Variants in IFT80 observed in about 807,000 individuals in gnomAD.
IFT80 encodes intraflagellar transport protein 80 homolog.
A neutral mutation model predicts 107.9 loss-of-function variants in IFT80; 79 were observed. The ratio of observed to expected loss-of-function variants is 0.73; its 90% CI spans 0.61 to 0.88. IFT80 has a LOEUF of 0.88. IFT80 is among the 40% of genes least tolerant of loss of function. IFT80 has a pLI of 0.00. For missense variants in IFT80, 797 were observed against 914.2 expected, an observed-to-expected ratio of 0.87 and a Z score of 1.65; for synonymous variants, 299 against 300.9, an observed-to-expected ratio of 0.99 and a Z score of 0.07.
At chr3:160,347,281 T>C (rs1203220727) in intron 8 of IFT80, among the ~76,000 whole-genome samples, 2 of 150,568 alleles carry the variant, frequency 1.3e-5, no homozygotes, top group African/African-American at 4.9e-5. Context: ...TTTAGCAGTA[T>C]TTTTTTTTAA....
intron 18 of IFT80, among the ~76,000 whole-genome samples, chr3:160,275,602 C>T (rs1714202084): frequency 6.6e-6 from 1 of 151,960 alleles, no homozygotes; most frequent in South Asian, 2.1e-4. Flanking sequence ...AATGGAATTC[C>T]TAATTAGGTT....
chr3:160,378,699 T>C (rs1421137585), intron 3 of IFT80, among the ~76,000 whole-genome samples: 1 of 151,216 alleles, frequency 6.6e-6, no homozygotes, highest in Non-Finnish European at 1.5e-5. Flanking sequence ...TGGCCAAATC[T>C]AGGGCACTTT....
At chr3:160,262,780 A>C (rs1712962031) in intron 19 of IFT80, among the ~76,000 whole-genome samples, 1 of 152,184 alleles carries the variant, frequency 6.6e-6, no homozygotes, top group South Asian at 2.1e-4. Flanking sequence ...TCAAAAATAT[A>C]AGTGTCAAAG....
intron 4 of IFT80, 116 bp downstream of exon 4, chr3:160,377,314 C>T (rs762470050): frequency 6.0e-5 from 41 of 682,682 alleles, no homozygotes; most frequent in Non-Finnish European, 1.0e-4. Context: ...CAATACTATG[C>T]CAATTATTTG....
At chr3:160,331,664 T>C in intron 8 of IFT80, among the ~76,000 whole-genome samples, 1 of 112,398 alleles carries the variant, frequency 8.9e-6, no homozygotes, top group Non-Finnish European at 2.0e-5. Context: ...TTTTTACCCT[T>C]GTAATTTTTT....
chr3:160,263,664 G>A (rs952243361), intron 19 of IFT80, among the ~76,000 whole-genome samples: 2 of 151,962 alleles, frequency 1.3e-5, no homozygotes, highest in South Asian at 2.1e-4. Flanking sequence ...ATTTTATTAT[G>A]TATTTCTTTA....
At chr3:160,293,742 T>C (rs776458001) in intron 12 of IFT80, among the ~76,000 whole-genome samples, 2 of 152,166 alleles carry the variant, frequency 1.3e-5, no homozygotes, top group Non-Finnish European at 2.9e-5. Flanking sequence ...GAAAGACCAA[T>C]CTCATGTTCA....
intron 8 of IFT80, among the ~76,000 whole-genome samples, chr3:160,344,424 A>C (rs951307478): frequency 3.9e-5 from 6 of 152,120 alleles, no homozygotes; most frequent in Admixed American, 3.3e-4. Context: ...CCTATCTCTC[A>C]CCATATACAA....
chr3:160,258,364 T>C lies in IFT80; in HGVS notation c.*161A>G. ...AAAGATAGAAATACATCAATTACTT[T>C]GTGTTTCATCTTTCTGCATGTACTT... On this transcript the variant is annotated 3_prime_UTR_variant, in exon 20 of 20. Coordinates refer to ENST00000326448, the MANE Select transcript of IFT80 (RefSeq NM_020800.3). 4.8e-6 allele frequency: 4 copies of C among 835,190 alleles called. No individual in the cohort carries two copies. Among genetic ancestry groups the C allele is most frequent in the Non-Finnish European group, 7.4e-6 (4 of 537,434 alleles). 51.7% of individuals were successfully genotyped at this position (835,190 alleles called of 1,614,324 possible). A position where few individuals can be genotyped will look rare whatever the true frequency, so the allele number is the denominator to read the frequency against.
intron 18 of IFT80, among the ~76,000 whole-genome samples, chr3:160,276,528 C>G (rs1714279032): frequency 6.6e-6 from 1 of 152,166 alleles, no homozygotes; most frequent in South Asian, 2.1e-4. Context: ...AATTCCACAA[C>G]AAACTACATC....
intron 8 of IFT80, among the ~76,000 whole-genome samples, chr3:160,324,539 T>G (rs1409528557): frequency 1.3e-5 from 2 of 152,126 alleles, no homozygotes; most frequent in Non-Finnish European, 2.9e-5. Context: ...AACATGATTA[T>G]CTCAACAGAT....
chr3:160,360,947 GCAACTAATGGGCAAAATAACC>G (rs894477295), intron 6 of IFT80, among the ~76,000 whole-genome samples: 2 of 151,762 alleles, frequency 1.3e-5, no homozygotes, highest in South Asian at 2.1e-4. Flanking sequence ...GCATCTATGG[GCAACTAATGGGCAAAATAACC>G]CAACTAATGG....
intron 8 of IFT80, among the ~76,000 whole-genome samples, chr3:160,328,188 G>T (rs1458102193): frequency 6.6e-6 from 1 of 151,828 alleles, no homozygotes; most frequent in African/African-American, 2.4e-5. Flanking sequence ...CTGGCCGAGT[G>T]CAGTAGCTCA....
At chr3:160,264,685 C>T (rs1713148276) in intron 19 of IFT80, among the ~76,000 whole-genome samples, 1 of 151,708 alleles carries the variant, frequency 6.6e-6, no homozygotes, top group Non-Finnish European at 1.5e-5. Flanking sequence ...AGTGATCCTC[C>T]CATCTCAGCC....
intron 8 of IFT80, among the ~76,000 whole-genome samples, chr3:160,327,977 TAAAC>T (rs1212890731): frequency 2.6e-5 from 4 of 151,990 alleles, no homozygotes; most frequent in Non-Finnish European, 5.9e-5. Context: ...ATTAGGAACT[TAAAC>T]AAATTTACAA....
At chr3:160,296,042 C>T (rs1338914848) in intron 12 of IFT80, among the ~76,000 whole-genome samples, 9 of 152,092 alleles carry the variant, frequency 5.9e-5, no homozygotes, top group African/African-American at 2.2e-4. Context: ...ATTTCAGTAA[C>T]ACAAGATGAA....
rs1181374217 is a variant in IFT80 at position 160,343,828 on chromosome 3, CAG to C, written c.777+12183_777+12184del. On this transcript the variant is annotated intron_variant, in intron 8 of 19. Coordinates refer to ENST00000326448, the MANE Select transcript of IFT80 (RefSeq NM_020800.3). ...GATGGAATAAAAACTGTCAACAAAA[CAG>C]AATTTATTTTATTTATTGATTTTCT... is the stretch of plus-strand genomic sequence containing the variant. The C allele has an allele frequency of 4.9e-5, 15 of 304,934 alleles. No homozygotes were observed. The Admixed American group carries it at 6.5e-4, about 13-fold the overall frequency. The allele number at this position is 304,934 out of a possible 1,614,324, so 18.9% of individuals were successfully genotyped here.
At chr3:160,343,974 GAAGT>G (rs1720102914) in intron 8 of IFT80, among the ~76,000 whole-genome samples, 1 of 152,010 alleles carries the variant, frequency 6.6e-6, no homozygotes, top group Non-Finnish European at 1.5e-5. Flanking sequence ...ATACTTCCTT[GAAGT>G]AATAGCTATG....
Position 160,318,275 on chromosome 3 carries a change from G to A in IFT80, c.957+1485C>T, listed in dbSNP as rs148114392. 4.8e-3 allele frequency among the ~76,000 whole-genome samples: 734 copies of A among 151,766 alleles called. 3 individuals are homozygous for A. The highest frequency in any genetic ancestry group is 0.017 in the African/African-American group (704 of 41,418). On this transcript the variant is annotated intron_variant, in intron 9 of 19. Coordinates refer to ENST00000326448, the MANE Select transcript of IFT80 (RefSeq NM_020800.3). The stretch of plus-strand genomic sequence containing the variant: ...GAATAAAGAAAAAGTATAATATACC[G>A]AATTATTAGTAATCTAGTGACAATA...
Sources: allele counts gnomAD v4.1 joint callset (sites outside exome capture counted in the v4.1 genomes callset), GRCh38; gene constraint gnomAD v4.1.1; transcripts MANE v1.5; gene names NCBI Gene and HGNC (gene_info 2026-07-23, HGNC 2026-07-21).